The following FSTL5 variants were observed in gnomAD, a reference collection of about 807,000 sequenced individuals.
The protein encoded by FSTL5 is follistatin like 5.
A neutral mutation model predicts 89.1 loss-of-function variants in FSTL5; 62 were observed. The ratio of observed to expected loss-of-function variants is 0.70; its 90% CI spans 0.57 to 0.86. The LOEUF (loss-of-function observed/expected upper bound fraction) is 0.86. Ranked by LOEUF, FSTL5 falls within the 40% of genes least tolerant of loss-of-function variation. The pLI is 0.00. For synonymous variants in FSTL5, 383 were observed against 346.2 expected (o/e 1.11, Z -1.18); for missense variants, 1,057 against 1,001.6 (o/e 1.06, Z -0.75).
At chr4:161,632,405 AAGAG>A (rs1168724817) in intron 7 of FSTL5, among the ~76,000 whole-genome samples, 1 of 152,136 alleles carries the variant, frequency 6.6e-6, no homozygotes, top group Non-Finnish European at 1.5e-5. Context: ...ACAAAACAAA[AAGAG>A]AGAAAAATAG....
At position 161,974,824 on chromosome 4, in the gene FSTL5, C is replaced by A. The variant is rs1288964442; in HGVS notation, c.161-54172G>T. 9.5e-3 allele frequency among the ~76,000 whole-genome samples: 1,429 copies of A among 150,164 alleles called. 20 individuals are homozygous for A. The highest frequency in any genetic ancestry group is 0.033 in the African/African-American group (1,327 of 40,724). ...ATCAGAGTGAACAGGCAACCTACAACATGGGAGAAAATTTTCGCAACCTAC... is the reference window on the plus strand; with the variant it reads ...ATCAGAGTGAACAGGCAACCTACAAAATGGGAGAAAATTTTCGCAACCTAC... On this transcript the variant is annotated intron_variant, in intron 3 of 15. Coordinates refer to ENST00000306100, the MANE Select transcript of FSTL5 (RefSeq NM_020116.5).
At chr4:161,748,373 T>C (rs1004502555) in intron 6 of FSTL5, among the ~76,000 whole-genome samples, 7 of 152,160 alleles carry the variant, frequency 4.6e-5, no homozygotes, top group Non-Finnish European at 8.8e-5. Flanking sequence ...TTTACTGTGA[T>C]GATCCTGAAA....
intron 3 of FSTL5, among the ~76,000 whole-genome samples, chr4:161,944,584 G>A (rs1734684817): frequency 1.3e-5 from 2 of 151,722 alleles, no homozygotes; most frequent in African/African-American, 4.8e-5. Flanking sequence ...TTATCATAGA[G>A]TTGTACAGAG....
chr4:161,437,660 G>A (rs1219062937), intron 15 of FSTL5, among the ~76,000 whole-genome samples: 1 of 150,680 alleles, frequency 6.6e-6, no homozygotes, highest in East Asian at 2.0e-4. Context: ...TATCATATTT[G>A]AAGCAATGAC....
intron 2 of FSTL5, among the ~76,000 whole-genome samples, chr4:162,060,997 C>T (rs1048513127): frequency 6.6e-6 from 1 of 152,108 alleles, no homozygotes; most frequent in Non-Finnish European, 1.5e-5. Context: ...TAAATCTCTA[C>T]TTATTTTTAC....
intron 8 of FSTL5, among the ~76,000 whole-genome samples, chr4:161,565,224 T>TATCATC (rs59471047): frequency 0.04 from 5,967 of 150,196 alleles, 286 homozygotes; most frequent in African/African-American, 0.11. Flanking sequence ...ATATCTTGCC[T>TATCATC]ATCATCATCA....
At chr4:162,018,381 T>C (rs911901044) in intron 3 of FSTL5, among the ~76,000 whole-genome samples, 4 of 152,332 alleles carry the variant, frequency 2.6e-5, no homozygotes, top group East Asian at 3.9e-4. Context: ...TGTTAGAATA[T>C]TGTTTTCCAT....
At chr4:161,691,351 T>A (rs1393879746) in intron 6 of FSTL5, among the ~76,000 whole-genome samples, 2 of 152,134 alleles carry the variant, frequency 1.3e-5, no homozygotes, top group East Asian at 3.9e-4. Context: ...TGGCCATAGA[T>A]ATTTCAGTTC....
intron 1 of FSTL5, among the ~76,000 whole-genome samples, chr4:162,118,548 G>A (rs189489721): frequency 2.0e-5 from 3 of 152,116 alleles, no homozygotes; most frequent in Non-Finnish European, 4.4e-5. Flanking sequence ...GGCGTGAGAA[G>A]AGTCCAGTTT....
intron 4 of FSTL5, among the ~76,000 whole-genome samples, chr4:161,782,206 G>A (rs1741697354): frequency 6.6e-6 from 1 of 152,186 alleles, no homozygotes; most frequent in Non-Finnish European, 1.5e-5. Context: ...AAACATCTGT[G>A]TGAAGGTTTC....
intron 4 of FSTL5, among the ~76,000 whole-genome samples, chr4:161,867,905 A>T (rs1194275744): frequency 1.3e-5 from 2 of 151,972 alleles, no homozygotes; most frequent in Non-Finnish European, 2.9e-5. Flanking sequence ...GGTTTAATTC[A>T]ATTAGGTCAA....
intron 6 of FSTL5, among the ~76,000 whole-genome samples, chr4:161,754,298 T>A (rs1740501399): frequency 6.6e-6 from 1 of 152,114 alleles, no homozygotes; most frequent in African/African-American, 2.4e-5. Context: ...TATTTGTACA[T>A]ATAAAGATCA....
intron 3 of FSTL5, among the ~76,000 whole-genome samples, chr4:161,958,956 G>A (rs1277727641): frequency 6.6e-6 from 1 of 152,016 alleles, no homozygotes; most frequent in African/African-American, 2.4e-5. Flanking sequence ...CTTCAATTCA[G>A]GGAGACTGTT....
At chr4:162,020,154 A>G (rs999214758) in intron 3 of FSTL5, among the ~76,000 whole-genome samples, 8 of 151,898 alleles carry the variant, frequency 5.3e-5, no homozygotes, top group African/African-American at 1.9e-4. Context: ...AAATGAAAAA[A>G]TATATGATTA....
chr4:162,140,991 T>A (rs968386143), intron 1 of FSTL5, among the ~76,000 whole-genome samples: 3 of 151,852 alleles, frequency 2.0e-5, no homozygotes, highest in Non-Finnish European at 4.4e-5. Context: ...TGGGGGTAGA[T>A]CTCTTAAGAA....
chr4:161,765,374 T>C (rs1263146737), intron 5 of FSTL5, among the ~76,000 whole-genome samples: 6 of 152,218 alleles, frequency 3.9e-5, no homozygotes, highest in East Asian at 1.9e-4. Context: ...AACAGCATTT[T>C]ATCTGTGAGA....
chr4:161,739,309 C>G (rs1739922815), intron 6 of FSTL5, among the ~76,000 whole-genome samples: 1 of 152,114 alleles, frequency 6.6e-6, no homozygotes, highest in Admixed American at 6.6e-5. Context: ...ATGAAGATGG[C>G]AACCTACAAG....
rs370234428 is a variant in FSTL5 at position 161,992,883 on chromosome 4, T to A, written c.160+40742A>T. On this transcript the variant is annotated intron_variant, in intron 3 of 15. Transcript: ENST00000306100. ...AAAAATATATATATATATATATATA[T>A]ATATATATATATATGTGTGTGTATA... Among the ~76,000 whole-genome samples, 8 of 8,858 alleles carry A rather than the reference T, an allele frequency of 9.0e-4. 1 individual carries two copies. The highest frequency in any genetic ancestry group is 1.2e-3 in the African/African-American group (6 of 4,802). 5.8% of individuals were successfully genotyped at this position (8,858 alleles called of 152,430 possible).
At chr4:161,417,359 G>A (rs879805027) in intron 15 of FSTL5, among the ~76,000 whole-genome samples, 4 of 152,032 alleles carry the variant, frequency 2.6e-5, no homozygotes, top group African/African-American at 4.8e-5. Context: ...TTTTAATCAC[G>A]CCATTCATAA....
Sources: allele counts gnomAD v4.1 joint callset (sites outside exome capture counted in the v4.1 genomes callset), GRCh38; gene constraint gnomAD v4.1.1; transcripts MANE v1.5; gene names NCBI Gene and HGNC (gene_info 2026-07-23, HGNC 2026-07-21).